PIPOX: variants seen among roughly 807,000 people sequenced by gnomAD.
PIPOX encodes the protein peroxisomal sarcosine oxidase.
PIPOX carries 45 observed loss-of-function variants against 47.9 expected under a neutral mutation model. The ratio of observed to expected loss-of-function variants is 0.94; its 90% CI spans 0.74 to 1.20. The LOEUF is 1.20. PIPOX is among the 50% of genes most tolerant of loss of function. PIPOX has a pLI of 0.00. For synonymous variants in PIPOX, 165 were observed against 191.3 expected, an observed-to-expected ratio of 0.86 and a Z score of 1.13; for missense variants, 458 against 498.4, an observed-to-expected ratio of 0.92 and a Z score of 0.77.
chr17:29,045,403 CTTTTTTTTTTTTTT>C lies in PIPOX; in HGVS notation c.263+411_263+424del, dbSNP rs57047541. Reference sequence around the variant, plus strand: ...GGAGGAGGCTGCTTTCAGGAGGATTCTTTTTTTTTTTTTTTTTTTTTTTTTTTTGACAGAGTCTC... The same window carrying C: ...GGAGGAGGCTGCTTTCAGGAGGATTCTTTTTTTTTTTTTTGACAGAGTCTC... On this transcript the variant is annotated intron_variant, in intron 2 of 7. Coordinates refer to ENST00000323372, the MANE Select transcript of PIPOX (RefSeq NM_016518.3). 3.3e-3 allele frequency among the ~76,000 whole-genome samples: 166 copies of C among 50,994 alleles called. 1 individual carries two copies. Among genetic ancestry groups the C allele is most frequent in the Middle Eastern group, 0.016 (1 of 64 alleles). The allele number at this position is 50,994 out of a possible 152,430, so 33.5% of individuals were successfully genotyped here.
intron 6 of PIPOX, 69 bp from the exon 7 acceptor site, chr17:29,055,744 G>A (rs1446274592): frequency 1.5e-6 from 2 of 1,303,774 alleles, no homozygotes; most frequent in African/African-American, 1.5e-5. Context: ...TCCCCTTCCA[G>A]TTAGAGCCTG....
chr17:29,046,560 G>A, intron 2 of PIPOX: 1 of 983,898 alleles, frequency 1.0e-6, no homozygotes, highest in Non-Finnish European at 1.2e-6. Context: ...TTTCAATAAG[G>A]GGCAGTCCCT....
At chr17:29,045,153 T>C in intron 2 of PIPOX, 146 bp downstream of exon 2, 2 of 942,908 alleles carry the variant, frequency 2.1e-6, no homozygotes, top group East Asian at 2.7e-5. Context: ...GGAAGAGTTC[T>C]GCTGTCATGG....
chr17:29,045,997 C>T (rs1341276073), intron 2 of PIPOX, among the ~76,000 whole-genome samples: 1 of 152,228 alleles, frequency 6.6e-6, no homozygotes, highest in African/African-American at 2.4e-5. Flanking sequence ...CCCACCTCCT[C>T]TGTGACTCTT....
chr17:29,056,415 C>A lies in PIPOX; in HGVS notation c.*110C>A. 8.0e-7 allele frequency: 1 copy of A among 1,254,128 alleles called. No individual in the cohort carries two copies. Among genetic ancestry groups the A allele is most frequent in the Non-Finnish European group, 1.1e-6 (1 of 889,004 alleles). The allele number at this position is 1,254,128 out of a possible 1,614,324, so 77.7% of individuals were successfully genotyped here. A position where few individuals can be genotyped will look rare whatever the true frequency, so the allele number is the denominator to read the frequency against. On this transcript the variant is annotated 3_prime_UTR_variant, in exon 8 of 8. Coordinates refer to ENST00000323372, the MANE Select transcript of PIPOX (RefSeq NM_016518.3). The stretch of plus-strand genomic sequence containing the variant: ...GATATCATCCTTTTCTTCTGCCTCG[C>A]CTGAATCCCCCATAAACACCAGATG...
Position 29,055,877 on chromosome 17 carries a change from C to G in PIPOX, c.1031C>G (p.Ala344Gly), listed in dbSNP as rs777629327. ...AAGTATGACAACATTGTCATTGGTG[C>G]TGGATTCTCTGGTGAGTCTGAGCTG... is the stretch of plus-strand genomic sequence containing the variant. The part of the protein sequence containing the change: ...HPKYDNIVIG[A>G]GFSGHGFKLA... Residue 344 changes from alanine to glycine, a missense_variant, in exon 7 of 8, where the codon GCT becomes GGT. Coordinates refer to ENST00000323372, the MANE Select transcript of PIPOX (RefSeq NM_016518.3). 6 of 1,613,668 alleles carry G rather than the reference C, an allele frequency of 3.7e-6. No individual in the cohort carries two copies. The East Asian group carries it at 1.3e-4, about 36-fold the overall frequency.
chr17:29,045,663 C>T (rs375636086), intron 2 of PIPOX, among the ~76,000 whole-genome samples: 1 of 152,016 alleles, frequency 6.6e-6, no homozygotes, highest in Non-Finnish European at 1.5e-5. Context: ...CCCTTCTCGG[C>T]CCCCCTAAGT....
At position 29,053,110 on chromosome 17, in the gene PIPOX, T is replaced by C. The variant is rs1420023371; in HGVS notation, c.454T>C (p.Tyr152His). The change falls in exon 3 of 8, where the codon TAT (tyrosine) becomes CAT (histidine). Residue 152 changes from tyrosine (Y) to histidine (H), a missense_variant. Transcript: ENST00000323372. ...CAATTCCGGAGGAGTTATCTATGCA[T>C]ATAAGGCCCTCAGAGCCCTGCAGGT... is the stretch of plus-strand genomic sequence containing the variant. Reference protein sequence around the residue: ...LDNSGGVIYAYKALRALQDAI... With the variant: ...LDNSGGVIYAHKALRALQDAI... The C allele has an allele frequency of 6.2e-7, 1 of 1,614,144 alleles. No individual in the cohort carries two copies. Among genetic ancestry groups the C allele is most frequent in the Admixed American group, 1.7e-5 (1 of 60,026 alleles).
chr17:29,054,048 G>A (rs2065817495), intron 4 of PIPOX, among the ~76,000 whole-genome samples: 2 of 151,920 alleles, frequency 1.3e-5, no homozygotes, highest in Admixed American at 1.3e-4. Context: ...CAGGTGTAGT[G>A]GCGTGTGCTT....
At chr17:29,053,885 TA>T (rs1407632996) in intron 4 of PIPOX, among the ~76,000 whole-genome samples, 2 of 152,168 alleles carry the variant, frequency 1.3e-5, no homozygotes, top group Non-Finnish European at 2.9e-5. Flanking sequence ...ATGCTGTATA[TA>T]AAGCCTTTAA....
At position 29,046,052 on chromosome 17, in the gene PIPOX, G is replaced by T. The variant is rs74922604; in HGVS notation, c.263+1045G>T. ...CCTGGCTCTACCTGATAGGGTGGTG[G>T]TTATTTTAATGGCCAGGAACCAAGA... On this transcript the variant is annotated intron_variant, in intron 2 of 7. Transcript: ENST00000323372. Among the ~76,000 whole-genome samples the T allele has an allele frequency of 7.3e-3, 1,106 of 152,292 alleles. 12 individuals are homozygous for T. Among genetic ancestry groups the T allele is most frequent in the African/African-American group, 0.025 (1,032 of 41,548 alleles).
At position 29,052,917 on chromosome 17, in the gene PIPOX, C is replaced by G. The variant is rs760302750; in HGVS notation, c.264-3C>G. Reference sequence around the variant, plus strand: ...TTCACCTAGGTGACTTATTTTTTAACAGGCAGACTGGATTACTGCTGCTGG... The same window carrying G: ...TTCACCTAGGTGACTTATTTTTTAAGAGGCAGACTGGATTACTGCTGCTGG... On this transcript the variant is annotated splice_region_variant and splice_polypyrimidine_tract_variant and intron_variant, in intron 2 of 7. Transcript: ENST00000323372. 1 of 1,613,830 alleles carries G rather than the reference C, an allele frequency of 6.2e-7. No individual in the cohort carries two copies. Among genetic ancestry groups the G allele is most frequent in the Admixed American group, 1.7e-5 (1 of 60,034 alleles).
At chr17:29,049,782 G>A (rs958688327) in intron 2 of PIPOX, among the ~76,000 whole-genome samples, 2 of 152,318 alleles carry the variant, frequency 1.3e-5, no homozygotes, top group South Asian at 2.1e-4. Flanking sequence ...TGTGATCCAC[G>A]GAAAATGAGA....
chr17:29,047,313 G>A (rs1298905874), intron 2 of PIPOX, among the ~76,000 whole-genome samples: 1 of 152,012 alleles, frequency 6.6e-6, no homozygotes, highest in East Asian at 1.9e-4. Context: ...AAAAAGAAAA[G>A]AAAAGAAAAG....
chr17:29,053,002 G>T lies in PIPOX; in HGVS notation c.346G>T (p.Glu116Ter). The change falls in exon 3 of 8, where the codon GAA becomes TAA. Residue 116 changes from glutamate to a stop codon, truncating the protein, a stop_gained. Transcript: ENST00000323372. LOFTEE classifies it high-confidence loss of function. ...GGCCAATCTGTCGAGGCAGAGGGTA[G>T]AACACCAGTGTCTTTCATCTGAGGA... ...IQANLSRQRVEHQCLSSEELK... is the reference protein window; with the variant it reads ...IQANLSRQRV 6.2e-7 allele frequency: 1 copy of T among 1,614,230 alleles called. No homozygotes were observed.
At chr17:29,054,809 C>T in intron 5 of PIPOX, 118 bp downstream of exon 5, 1 of 1,225,838 alleles carries the variant, frequency 8.2e-7, no homozygotes, top group East Asian at 2.5e-5. Flanking sequence ...GAGCCTGCTT[C>T]ACTCATGGCG....
chr17:29,047,476 G>A (rs2065789985), intron 2 of PIPOX, among the ~76,000 whole-genome samples: 1 of 152,062 alleles, frequency 6.6e-6, no homozygotes, highest in South Asian at 2.1e-4. Flanking sequence ...ATAGAGGTTG[G>A]CCAGCTTTAT....
In PIPOX at chr17:29,054,594, A is replaced by G; in HGVS notation, c.710A>G (p.Tyr237Cys). Residue 237 changes from tyrosine (Y) to cysteine (C), a missense_variant, in exon 5 of 8, where the codon TAT becomes TGT. Coordinates refer to ENST00000323372, the MANE Select transcript of PIPOX (RefSeq NM_016518.3). ...TGGCGAGAGATGGTTCCTGGGAGCT[A>G]TGGTGTGTCCCAGGCCTTTCCGTGC... ...CYWREMVPGSYGVSQAFPCFL... is the reference protein window; with the variant it reads ...CYWREMVPGSCGVSQAFPCFL... 1.2e-6 allele frequency: 2 copies of G among 1,614,100 alleles called. No individual in the cohort carries two copies. Among genetic ancestry groups the G allele is most frequent in the South Asian group, 1.1e-5 (1 of 91,084 alleles).
intron 3 of PIPOX, 47 bp downstream of exon 3, chr17:29,053,180 G>C: frequency 6.4e-7 from 1 of 1,556,708 alleles, no homozygotes; most frequent in Non-Finnish European, 8.9e-7. Context: ...CCTGCTCTGG[G>C]TGTCCTGGGT....
Sources: allele counts gnomAD v4.1 joint callset (sites outside exome capture counted in the v4.1 genomes callset), GRCh38; gene constraint gnomAD v4.1.1; transcripts MANE v1.5; gene names NCBI Gene and HGNC (gene_info 2026-07-23, HGNC 2026-07-21).